The following ANKRD27 variants were observed in gnomAD, a reference collection of about 807,000 sequenced individuals.
ANKRD27 encodes ankyrin repeat domain-containing protein 27.
ANKRD27 carries 112 observed loss-of-function variants against 129.7 expected under a neutral mutation model. The observed-to-expected ratio is 0.86, with a 90% CI of 0.74 to 1.01. The LOEUF (loss-of-function observed/expected upper bound fraction) is 1.01. ANKRD27 is among the 50% of genes least tolerant of loss of function. The pLI is 0.00. For synonymous variants in ANKRD27, 516 were observed against 511.2 expected (o/e 1.01, Z -0.13); for missense variants, 1,258 against 1,300.5 (o/e 0.97, Z 0.50).
rs769271972 is a variant in ANKRD27, at chr19:32,599,971, C to CTT, written c.2845_2846dup (p.Gly950ArgfsTer18). 2 of 1,611,272 alleles carry CTT rather than the reference C, an allele frequency of 1.2e-6. No homozygotes were observed. Among genetic ancestry groups the CTT allele is most frequent in the South Asian group, 2.2e-5 (2 of 90,802 alleles). On this transcript the variant is annotated frameshift_variant and splice_region_variant. Coordinates refer to ENST00000306065, the MANE Select transcript of ANKRD27 (RefSeq NM_032139.3). LOFTEE classifies it high-confidence loss of function. The stretch of plus-strand genomic sequence containing the variant: ...GAAATCAACTTGAGTTTCATACTCA[C>CTT]TTAAACTGACCAGCTGAGTGGACAA...
chr19:32,598,273 T>C lies in ANKRD27; in HGVS notation c.3025A>G (p.Thr1009Ala), dbSNP rs746193393. The C allele has an allele frequency of 2.5e-6, 4 of 1,614,094 alleles. No individual in the cohort carries two copies. The African/African-American group carries it at 4.0e-5, about 16-fold the overall frequency. ...NSDWPERPGL[T>A]QTGPGHRRML... is the part of the protein sequence containing the mutation. The stretch of plus-strand genomic sequence containing the variant: ...CGTCTGTGTCCAGGGCCAGTCTGTG[T>C]CAGTCCAGGCCTCTCTGGCCAGTCG... Residue 1009 changes from threonine to alanine, a missense_variant, in exon 29 of 29, where the codon ACA becomes GCA. Physicochemically the swap from Thr to Ala is moderately conservative, Grantham distance 58. Transcript: ENST00000306065.
chr19:32,667,696 G>T (rs1251319501), intron 1 of ANKRD27, among the ~76,000 whole-genome samples: 4 of 152,114 alleles, frequency 2.6e-5, no homozygotes. Context: ...GCCGGGCGTG[G>T]TGGCACACAC....
intron 27 of ANKRD27, 41 bp downstream of exon 27, chr19:32,599,931 A>AG: frequency 6.4e-7 from 1 of 1,570,386 alleles, no homozygotes; most frequent in Non-Finnish European, 8.8e-7. Flanking sequence ...GGAGTAAACT[A>AG]GGGGCAAAAG....
In ANKRD27 at chr19:32,602,146, A is replaced by T. The variant is rs768879618; in HGVS notation, c.2656-20T>A. Reference sequence around the variant, plus strand: ...TGAATTCTGCAATTTGAAAGGGAAAAGGAACAGTAATGTTTTTATTCTTTT... The same window carrying T: ...TGAATTCTGCAATTTGAAAGGGAAATGGAACAGTAATGTTTTTATTCTTTT... On this transcript the variant is annotated intron_variant, in intron 25 of 28. Coordinates refer to ENST00000306065, the MANE Select transcript of ANKRD27 (RefSeq NM_032139.3). 1.2e-5 allele frequency: 17 copies of T among 1,407,520 alleles called. 1 individual carries two copies. Among genetic ancestry groups the T allele is most frequent in the Middle Eastern group, 1.8e-4 (1 of 5,656 alleles). The allele number at this position is 1,407,520 out of a possible 1,614,324, so 87.2% of individuals were successfully genotyped here. A position where few individuals can be genotyped will look rare whatever the true frequency, so the allele number is the denominator to read the frequency against.
At chr19:32,622,754 G>A in intron 17 of ANKRD27, 135 bp from the exon 18 acceptor site, 1 of 731,968 alleles carries the variant, frequency 1.4e-6, no homozygotes, top group Non-Finnish European at 2.3e-6. Flanking sequence ...ATCTGATCAG[G>A]ACACCTCATT....
intron 15 of ANKRD27, among the ~76,000 whole-genome samples, chr19:32,627,832 C>T (rs538377270): frequency 6.6e-6 from 1 of 152,372 alleles, no homozygotes; most frequent in South Asian, 2.1e-4. Flanking sequence ...CCTGCGGGAG[C>T]GTTAGGCAGT....
At chr19:32,646,920 G>A (rs1436134216) in intron 3 of ANKRD27, among the ~76,000 whole-genome samples, 1 of 152,146 alleles carries the variant, frequency 6.6e-6, no homozygotes, top group Non-Finnish European at 1.5e-5. Flanking sequence ...CCGCCTCCCA[G>A]GGTCAAGCAA....
At chr19:32,651,761 T>C (rs1219334787) in intron 2 of ANKRD27, among the ~76,000 whole-genome samples, 3 of 152,136 alleles carry the variant, frequency 2.0e-5, no homozygotes, top group Non-Finnish European at 4.4e-5. Context: ...TCCGCCTCCC[T>C]GACTTGCATA....
intron 1 of ANKRD27, among the ~76,000 whole-genome samples, chr19:32,664,073 A>AG (rs1402312510): frequency 6.2e-4 from 20 of 32,124 alleles, no homozygotes; most frequent in African/African-American, 2.0e-3. Flanking sequence ...AAAAAAAAAA[A>AG]AGAAAGAAAT....
chr19:32,601,528 C>T (rs528912930), intron 26 of ANKRD27, among the ~76,000 whole-genome samples: 1 of 145,938 alleles, frequency 6.9e-6, no homozygotes, highest in South Asian at 2.2e-4. Context: ...AGGAGAATGG[C>T]GTGAACCCAG....
In ANKRD27 at chr19:32,613,706, C is replaced by CTTTTTTTTTTTTTTTT. The variant is rs58394462; in HGVS notation, c.2175+1936_2175+1951dup. Among the ~76,000 whole-genome samples, 5 of 132,994 alleles carry CTTTTTTTTTTTTTTTT rather than the reference C, an allele frequency of 3.8e-5. 1 individual carries two copies. Among genetic ancestry groups the CTTTTTTTTTTTTTTTT allele is most frequent in the Non-Finnish European group, 3.2e-5 (2 of 62,424 alleles). 87.2% of individuals were successfully genotyped at this position (132,994 alleles called of 152,430 possible). On this transcript the variant is annotated intron_variant, in intron 22 of 28. Coordinates refer to ENST00000306065, the MANE Select transcript of ANKRD27 (RefSeq NM_032139.3). ...GTATACTGTGATTACATTTATGTAACTTTTTTTTTTTTTTTTTTTTGAGAC... is the reference window on the plus strand; with the variant it reads ...GTATACTGTGATTACATTTATGTAACTTTTTTTTTTTTTTTTTTTTTTTTTTTTTTTTTTTTGAGAC...
intron 18 of ANKRD27, among the ~76,000 whole-genome samples, chr19:32,620,568 C>CAA (rs59205429): frequency 0.58 from 82,381 of 142,634 alleles, 23,864 homozygotes; most frequent in African/African-American, 0.6. Flanking sequence ...GACTCCGTCT[C>CAA]AAAAAAAAAA....
At chr19:32,638,227 C>T (rs984771683) in intron 12 of ANKRD27, 2 of 152,302 alleles carry the variant, frequency 1.3e-5, no homozygotes, top group African/African-American at 4.8e-5. Flanking sequence ...CATACTCCCT[C>T]CCTTCTGAGC....
rs746859989 is a variant in ANKRD27, at chr19:32,620,885, CAAAAAAAAAAA to C, written c.1828-1343_1828-1333del. On this transcript the variant is annotated intron_variant, in intron 18 of 28. Coordinates refer to ENST00000306065, the MANE Select transcript of ANKRD27 (RefSeq NM_032139.3). ...TGGGCAATACAGCCAAACCTTGTCT[CAAAAAAAAAAA>C]AAAAAAAAAAAAAAAGAGAACAGAA... is the stretch of plus-strand genomic sequence containing the variant. Among the ~76,000 whole-genome samples, 3 of 75,310 alleles carry C rather than the reference CAAAAAAAAAAA, an allele frequency of 4.0e-5. No individual in the cohort carries two copies. In the East Asian group the frequency reaches 1.2e-3, roughly 30 times the overall value. The allele number at this position is 75,310 out of a possible 152,430, so 49.4% of individuals were successfully genotyped here.
Position 32,628,070 on chromosome 19 carries a change from C to T in ANKRD27, c.1420+13G>A. On this transcript the variant is annotated intron_variant, in intron 15 of 28. Transcript: ENST00000306065. ...CTGTGACAGCCCCTAGGGGCCAGCC[C>T]AGGACCACATACCACAGACAGCAGC... 1 of 1,613,750 alleles carries T rather than the reference C, an allele frequency of 6.2e-7. No individual in the cohort carries two copies. The highest frequency in any genetic ancestry group is 1.1e-5 in the South Asian group (1 of 91,072).
intron 16 of ANKRD27, 94 bp from the exon 17 acceptor site, chr19:32,626,060 T>C (rs1972086150): frequency 1.1e-6 from 1 of 879,740 alleles, no homozygotes; most frequent in African/African-American, 1.7e-5. Context: ...TTTGCTCCCA[T>C]CTTCGATCTT....
In ANKRD27 at chr19:32,599,747, C is replaced by T; in HGVS notation, c.2876G>A (p.Arg959Lys). The change falls in exon 28 of 29, where the codon AGA becomes AAA. Residue 959 changes from arginine to lysine, a missense_variant. By Grantham distance (26) the Arg-to-Lys change is conservative. Coordinates refer to ENST00000306065, the MANE Select transcript of ANKRD27 (RefSeq NM_032139.3). The stretch of plus-strand genomic sequence containing the variant: ...GGTTAAATTAGGGACACTTCTATCT[C>T]TTGCCATAATCTCCCTTGAAGTCTT... ...KGKTSREIMA[R>K]DRSVPNLTEG... 2 of 1,613,926 alleles carry T rather than the reference C, an allele frequency of 1.2e-6. No individual in the cohort carries two copies. The highest frequency in any genetic ancestry group is 8.5e-7 in the Non-Finnish European group (1 of 1,179,980).
chr19:32,662,881 A>G (rs1967673163), intron 1 of ANKRD27, among the ~76,000 whole-genome samples: 3 of 152,030 alleles, frequency 2.0e-5, no homozygotes, highest in Admixed American at 2.0e-4. Context: ...CGTCTCTACT[A>G]AAATACAAAA....
chr19:32,611,660 C>T (rs1362635072), intron 22 of ANKRD27, among the ~76,000 whole-genome samples: 6 of 152,230 alleles, frequency 3.9e-5, no homozygotes, highest in Non-Finnish European at 8.8e-5. Context: ...CGGCTCACCG[C>T]AACCTCCGCC....
Sources: allele counts gnomAD v4.1 joint callset (sites outside exome capture counted in the v4.1 genomes callset), GRCh38; gene constraint gnomAD v4.1.1; transcripts MANE v1.5; gene names NCBI Gene and HGNC (gene_info 2026-07-23, HGNC 2026-07-21).